The following PLCXD3 variants were observed in gnomAD, a reference collection of about 807,000 sequenced individuals.
PLCXD3 encodes phosphatidylinositol specific phospholipase C X domain containing 3.
A neutral mutation model predicts 25.5 loss-of-function variants in PLCXD3; 19 were observed. That is an observed-to-expected ratio of 0.75 (90% CI 0.52 to 1.09). The LOEUF is 1.09. Among genes scored for constraint, PLCXD3 ranks in the 50% least tolerant of loss-of-function variants. The pLI, the probability that PLCXD3 is intolerant of heterozygous loss-of-function variation, is 0.00. For synonymous variants in PLCXD3, 174 were observed against 137.6 expected (o/e 1.26, Z -1.85); for missense variants, 411 against 388.1 (o/e 1.06, Z -0.50).
chr5:41,469,188 G>A (rs915712605), intron 1 of PLCXD3, among the ~76,000 whole-genome samples: 1 of 152,134 alleles, frequency 6.6e-6, no homozygotes, highest in African/African-American at 2.4e-5. Flanking sequence ...TTATTGATAT[G>A]CATATATTGA....
chr5:41,488,250 A>G (rs1490500727), intron 1 of PLCXD3, among the ~76,000 whole-genome samples: 1 of 146,812 alleles, frequency 6.8e-6, no homozygotes. Context: ...CCTACAAAGG[A>G]CATGAACTCA....
At chr5:41,410,141 CTTT>C (rs5867553) in intron 1 of PLCXD3, among the ~76,000 whole-genome samples, 13 of 121,380 alleles carry the variant, frequency 1.1e-4, no homozygotes, top group Non-Finnish European at 1.9e-4. Flanking sequence ...TTTTATTTAT[CTTT>C]TTTTTTTTTT....
At chr5:41,428,385 T>G (rs1157288257) in intron 1 of PLCXD3, among the ~76,000 whole-genome samples, 10 of 145,014 alleles carry the variant, frequency 6.9e-5, no homozygotes, top group Non-Finnish European at 1.4e-4. Context: ...TTTTTTTGTT[T>G]TTGTTTTTGT....
intron 1 of PLCXD3, among the ~76,000 whole-genome samples, chr5:41,400,732 G>A (rs539378812): frequency 2.0e-5 from 3 of 151,884 alleles, no homozygotes; most frequent in Non-Finnish European, 4.4e-5. Context: ...GATGGTTAAT[G>A]GGTACAAAAA....
chr5:41,388,339 ACTT>A (rs1745704801), intron 1 of PLCXD3, among the ~76,000 whole-genome samples: 1 of 152,100 alleles, frequency 6.6e-6, no homozygotes, highest in South Asian at 2.1e-4. Context: ...AAACATGTGC[ACTT>A]CTATTTTTAT....
chr5:41,351,209 T>A (rs942995147), intron 2 of PLCXD3, among the ~76,000 whole-genome samples: 1 of 152,076 alleles, frequency 6.6e-6, no homozygotes, highest in Non-Finnish European at 1.5e-5. Context: ...GTAGAAGATA[T>A]CCTAGCTCAC....
intron 2 of PLCXD3, among the ~76,000 whole-genome samples, chr5:41,331,048 C>T (rs1453883431): frequency 6.6e-6 from 1 of 151,844 alleles, no homozygotes; most frequent in Non-Finnish European, 1.5e-5. Flanking sequence ...GACAGGGATG[C>T]CCTCTCTCAC....
At chr5:41,362,125 G>T (rs1323893222) in intron 2 of PLCXD3, among the ~76,000 whole-genome samples, 1 of 152,178 alleles carries the variant, frequency 6.6e-6, no homozygotes, top group Non-Finnish European at 1.5e-5. Flanking sequence ...CGTGTAAAAA[G>T]CTACTCATCT....
At chr5:41,391,696 G>T (rs1745829268) in intron 1 of PLCXD3, among the ~76,000 whole-genome samples, 1 of 152,168 alleles carries the variant, frequency 6.6e-6, no homozygotes, top group Admixed American at 6.6e-5. Flanking sequence ...ATTTTGTCTT[G>T]CACCTTAGGT....
At chr5:41,496,390 G>A (rs1427910503) in intron 1 of PLCXD3, among the ~76,000 whole-genome samples, 1 of 151,846 alleles carries the variant, frequency 6.6e-6, no homozygotes, top group Non-Finnish European at 1.5e-5. Context: ...ACTCAAATAA[G>A]TCAATACCAA....
At chr5:41,472,132 T>C (rs1046098985) in intron 1 of PLCXD3, among the ~76,000 whole-genome samples, 4 of 151,764 alleles carry the variant, frequency 2.6e-5, no homozygotes, top group African/African-American at 7.3e-5. Context: ...AAAATGTTAA[T>C]TGACAAATGT....
intron 2 of PLCXD3, among the ~76,000 whole-genome samples, chr5:41,317,209 A>G (rs1490732314): frequency 3.3e-5 from 5 of 152,188 alleles, no homozygotes; most frequent in Middle Eastern, 3.2e-3. Context: ...AAAGAGAACA[A>G]ATCTCTGCCT....
chr5:41,483,163 T>A (rs1420509410), intron 1 of PLCXD3, among the ~76,000 whole-genome samples: 5 of 152,174 alleles, frequency 3.3e-5, no homozygotes, highest in African/African-American at 1.2e-4. Flanking sequence ...CCTGACATGA[T>A]CTTAATCTCA....
chr5:41,433,961 G>A (rs1022642436), intron 1 of PLCXD3, among the ~76,000 whole-genome samples: 3 of 152,194 alleles, frequency 2.0e-5, no homozygotes, highest in Non-Finnish European at 2.9e-5. Context: ...TAGCTGTGAC[G>A]TAATATCACC....
rs117839402 is a variant in PLCXD3, at chr5:41,360,841, C to T, written c.812+20985G>A. On this transcript the variant is annotated intron_variant, in intron 2 of 2. Transcript: ENST00000377801. ...ATTGGTTTTGTGTTGGTTGGCCTCC[C>T]GCCAGGAGGTAGGGCTTTCATGAGC... 1.7e-4 allele frequency among the ~76,000 whole-genome samples: 26 copies of T among 152,036 alleles called. No individual in the cohort carries two copies. The East Asian group carries it at 4.9e-3, about 28-fold the overall frequency.
intron 2 of PLCXD3, among the ~76,000 whole-genome samples, chr5:41,345,072 T>C (rs1744261840): frequency 6.6e-6 from 1 of 152,166 alleles, no homozygotes; most frequent in Non-Finnish European, 1.5e-5. Context: ...TTGGACACAG[T>C]CAAAATAGTC....
chr5:41,338,372 TC>T (rs1744042296), intron 2 of PLCXD3, among the ~76,000 whole-genome samples: 1 of 152,118 alleles, frequency 6.6e-6, no homozygotes, highest in Non-Finnish European at 1.5e-5. Context: ...AGGATTTATT[TC>T]CCTTTTTTTA....
chr5:41,344,746 T>C (rs967127062), intron 2 of PLCXD3, among the ~76,000 whole-genome samples: 1 of 152,068 alleles, frequency 6.6e-6, no homozygotes, highest in East Asian at 1.9e-4. Flanking sequence ...AAAAATATCC[T>C]AATTCAGAGC....
intron 1 of PLCXD3, among the ~76,000 whole-genome samples, chr5:41,429,390 G>C (rs959891008): frequency 6.6e-6 from 1 of 152,100 alleles, no homozygotes; most frequent in Non-Finnish European, 1.5e-5. Context: ...AATCAGGGGA[G>C]GGAGGGAGAG....
Sources: gnomAD v4.1 joint callset for allele counts (sites outside exome capture counted in the v4.1 genomes callset) on GRCh38, gnomAD v4.1.1 for gene constraint, MANE v1.5 for transcripts, NCBI Gene and HGNC (gene_info 2026-07-23, HGNC 2026-07-21) for gene names.